SLC12A1: variants seen among roughly 807,000 people sequenced by gnomAD.
SLC12A1 encodes the protein solute carrier family 12 member 1, also known as Na-K-2Cl cotransporter.
SLC12A1 carries 89 observed loss-of-function variants against 130.4 expected under a neutral mutation model. The ratio of observed to expected loss-of-function variants is 0.68; its 90% confidence interval spans 0.58 to 0.81. SLC12A1 has a LOEUF of 0.81. SLC12A1 is among the 40% of genes least tolerant of loss of function. The probability of loss-of-function intolerance (pLI) is 0.00; values close to 1 mark genes in which losing one functional copy is unlikely to be tolerated. For synonymous variants in SLC12A1, 499 were observed against 460.0 expected, an observed-to-expected ratio of 1.08 and a Z score of -1.09; for missense variants, 1,310 against 1,336.4, an observed-to-expected ratio of 0.98 and a Z score of 0.31.
intron 9 of SLC12A1, 34 bp from the exon 10 acceptor site, chr15:48,241,481 T>A (rs543658303): frequency 6.9e-7 from 1 of 1,459,476 alleles, no homozygotes; most frequent in East Asian, 2.3e-5. Context: ...TATTCTGCTC[T>A]GTATTCTTCT....
intron 20 of SLC12A1, among the ~76,000 whole-genome samples, chr15:48,281,699 A>G (rs776423609): frequency 3.9e-5 from 6 of 152,238 alleles, no homozygotes; most frequent in Non-Finnish European, 7.3e-5. Flanking sequence ...GCATCCCAGT[A>G]TTCGTATCAA....
At chr15:48,208,205 T>C (rs1435348530) in intron 2 of SLC12A1, 66 bp downstream of exon 2, 2 of 1,426,860 alleles carry the variant, frequency 1.4e-6, no homozygotes, top group Non-Finnish European at 1.9e-6. Flanking sequence ...TCCTTCTCTT[T>C]CATTACACTA....
intron 19 of SLC12A1, among the ~76,000 whole-genome samples, chr15:48,270,997 G>T (rs2041892738): frequency 6.6e-6 from 1 of 150,964 alleles, no homozygotes; most frequent in South Asian, 2.1e-4. Context: ...GCCGAGGCGG[G>T]TGGATTACCT....
intron 25 of SLC12A1, 28 bp from the exon 26 acceptor site, chr15:48,301,287 A>G (rs905303602): frequency 1.3e-6 from 2 of 1,507,704 alleles, no homozygotes; most frequent in Middle Eastern, 1.7e-4. Context: ...GTAGAACTGT[A>G]CTCAACAAAT....
intron 2 of SLC12A1, among the ~76,000 whole-genome samples, chr15:48,216,320 G>A (rs1350123774): frequency 6.6e-6 from 1 of 152,168 alleles, no homozygotes; most frequent in African/African-American, 2.4e-5. Context: ...CATCCATCAG[G>A]AAGGAAAGTT....
intron 13 of SLC12A1, 135 bp from the exon 14 acceptor site, chr15:48,249,440 C>G: frequency 1.4e-6 from 1 of 706,218 alleles, no homozygotes; most frequent in Non-Finnish European, 2.5e-6. Flanking sequence ...AGAAAAATGA[C>G]TAACTTCTTA....
intron 17 of SLC12A1, among the ~76,000 whole-genome samples, chr15:48,259,876 T>A (rs1168221231): frequency 6.6e-6 from 1 of 152,224 alleles, no homozygotes; most frequent in East Asian, 1.9e-4. Context: ...AATAACTTAT[T>A]GGTGAGTTTC....
intron 17 of SLC12A1, among the ~76,000 whole-genome samples, chr15:48,265,993 T>C (rs900155346): frequency 6.6e-6 from 1 of 152,246 alleles, no homozygotes; most frequent in African/African-American, 2.4e-5. Context: ...TTTTACATTC[T>C]TTTTTGTAGT....
chr15:48,298,621 G>A (rs926044944), intron 24 of SLC12A1, among the ~76,000 whole-genome samples: 2 of 152,224 alleles, frequency 1.3e-5, no homozygotes, highest in East Asian at 3.9e-4. Context: ...AGCCCTTGCT[G>A]TTCTCCTCCT....
chr15:48,259,308 T>C lies in SLC12A1; in HGVS notation c.2151T>C (p.Phe717=). Residue 717 remains phenylalanine, a synonymous_variant, in exon 17 of 27, where the codon TTT becomes TTC. Coordinates refer to ENST00000380993, the MANE Select transcript of SLC12A1 (RefSeq NM_000338.3). The stretch of plus-strand genomic sequence containing the variant: ...GCCTTTGCATCTGCTGTGAAGTCTT[T>C]GTGGTAAGAGCCACTTCACCCCAGG... ...NSGLCICCEV[F]VGPRKLCVKE... 6.2e-7 allele frequency: 1 copy of C among 1,603,454 alleles called. No homozygotes were observed. Among genetic ancestry groups the C allele is most frequent in the Non-Finnish European group, 8.5e-7 (1 of 1,170,260 alleles).
At chr15:48,238,470 T>C (rs1442299050) in intron 9 of SLC12A1, among the ~76,000 whole-genome samples, 1 of 151,670 alleles carries the variant, frequency 6.6e-6, no homozygotes, top group Non-Finnish European at 1.5e-5. Flanking sequence ...AGCAAGTCCA[T>C]GAAGAAAAAA....
chr15:48,297,627 G>T (rs979039890), intron 24 of SLC12A1, among the ~76,000 whole-genome samples: 1 of 152,216 alleles, frequency 6.6e-6, no homozygotes, highest in African/African-American at 2.4e-5. Context: ...AGCTTAAACA[G>T]AAAGCCTCTC....
intron 25 of SLC12A1, among the ~76,000 whole-genome samples, chr15:48,300,574 A>G (rs2042223100): frequency 6.6e-6 from 1 of 152,220 alleles, no homozygotes; most frequent in Non-Finnish European, 1.5e-5. Context: ...AAGAAACGCT[A>G]AAAGCCTTTT....
chr15:48,288,113 TC>T lies in SLC12A1; in HGVS notation c.2701del (p.Gln901AsnfsTer22). On this transcript the variant is annotated frameshift_variant, in exon 22 of 27. Transcript: ENST00000380993. LOFTEE classifies it high-confidence loss of function. ...ACCAGAAACTGGTGGAAGCCAGCAC[TC>T]AATTTAAAAAGAAACAAGAAAAAGG... is the stretch of plus-strand genomic sequence containing the variant. ...FNQKLVEAST[Q>X]FKKKQEKGTI... 1 of 1,610,754 alleles carries T rather than the reference TC, an allele frequency of 6.2e-7. No homozygotes were observed. Among genetic ancestry groups the T allele is most frequent in the Non-Finnish European group, 8.5e-7 (1 of 1,178,496 alleles).
chr15:48,250,881 G>A (rs987267880), intron 14 of SLC12A1, among the ~76,000 whole-genome samples: 3 of 152,072 alleles, frequency 2.0e-5, no homozygotes, highest in South Asian at 4.1e-4. Flanking sequence ...GGTGCCCTTC[G>A]TATCAGAGCT....
intron 24 of SLC12A1, among the ~76,000 whole-genome samples, chr15:48,296,804 C>T (rs1318324541): frequency 6.6e-6 from 1 of 151,982 alleles, no homozygotes; most frequent in African/African-American, 2.4e-5. Flanking sequence ...AAATCTTGAG[C>T]TACGTCAGGA....
At chr15:48,283,906 C>T (rs926168611) in intron 20 of SLC12A1, among the ~76,000 whole-genome samples, 3 of 152,222 alleles carry the variant, frequency 2.0e-5, no homozygotes, top group African/African-American at 4.8e-5. Flanking sequence ...GTAGCACTGT[C>T]ATATGACTGC....
At chr15:48,251,811 C>G in intron 15 of SLC12A1, 41 bp downstream of exon 15, 1 of 1,566,114 alleles carries the variant, frequency 6.4e-7, no homozygotes, top group Non-Finnish European at 8.8e-7. Context: ...CCAAATCTCT[C>G]TCTAACTACT....
At chr15:48,213,565 G>T (rs1010120655) in intron 2 of SLC12A1, among the ~76,000 whole-genome samples, 3 of 149,050 alleles carry the variant, frequency 2.0e-5, no homozygotes, top group Non-Finnish European at 4.4e-5. Flanking sequence ...GTGCCGCGGC[G>T]CAATCTTGGC....
Sources: gnomAD v4.1 joint callset for allele counts (sites outside exome capture counted in the v4.1 genomes callset) on GRCh38, gnomAD v4.1.1 for gene constraint, MANE v1.5 for transcripts, NCBI Gene and HGNC (gene_info 2026-07-23, HGNC 2026-07-21) for gene names.